Variants in ATXN3 observed in about 807,000 individuals in gnomAD.
The protein encoded by ATXN3 is ataxin 3.
ATXN3 carries 28 observed loss-of-function variants against 58.2 expected under a neutral mutation model. That is an observed-to-expected ratio of 0.48 (90% CI 0.36 to 0.66). The LOEUF is 0.66. Ranked by LOEUF, ATXN3 falls within the 30% of genes least tolerant of loss-of-function variation. The pLI is 0.00. For synonymous variants in ATXN3, 113 were observed against 138.5 expected, an observed-to-expected ratio of 0.82 and a Z score of 1.29; for missense variants, 321 against 422.1, an observed-to-expected ratio of 0.76 and a Z score of 2.10.
chr14:92,094,329 C>T (rs2064665420), intron 3 of ATXN3, among the ~76,000 whole-genome samples: 1 of 152,132 alleles, frequency 6.6e-6, no homozygotes, highest in Non-Finnish European at 1.5e-5. Flanking sequence ...GCTTTTCATA[C>T]CAGGTCTCTG....
chr14:92,065,205 T>C lies in ATXN3; in HGVS notation c.992-791A>G, dbSNP rs551936571. On this transcript the variant is annotated intron_variant, in intron 10 of 10. Transcript: ENST00000644486. ...ATTTTTAGTTGAACAAGTGGAATCA[T>C]ACAGTGTAAGACCCTTTGAGGCTTT... Among the ~76,000 whole-genome samples, 3 of 152,352 alleles carry C rather than the reference T, an allele frequency of 2.0e-5. No individual in the cohort carries two copies. In the East Asian group the frequency reaches 5.8e-4, roughly 29 times the overall value.
chr14:92,072,397 G>A (rs999655624), intron 9 of ATXN3, among the ~76,000 whole-genome samples: 18 of 152,092 alleles, frequency 1.2e-4, no homozygotes, highest in African/African-American at 2.9e-4. Context: ...TCCTAAATCC[G>A]AGAATCAGAA....
chr14:92,101,302 G>T (rs947107207), intron 1 of ATXN3, among the ~76,000 whole-genome samples: 4 of 152,058 alleles, frequency 2.6e-5, no homozygotes, highest in Non-Finnish European at 4.4e-5. Context: ...CTGTATTCTG[G>T]CCCAGGTGAC....
chr14:92,095,099 T>TAAAAA (rs10672184), intron 3 of ATXN3, among the ~76,000 whole-genome samples: 3 of 144,958 alleles, frequency 2.1e-5, no homozygotes, highest in African/African-American at 7.7e-5. Context: ...AGCTATACAT[T>TAAAAA]AAAAAAAAAA....
At position 92,093,471 on chromosome 14, in the gene ATXN3, C is replaced by T. The variant is rs376007653; in HGVS notation, c.321-153G>A. 1.9e-3 allele frequency: 1,206 copies of T among 624,056 alleles called. 16 individuals carry two copies. The South Asian group carries it at 0.02, about 10-fold the overall frequency. The allele number at this position is 624,056 out of a possible 1,614,324, so 38.7% of individuals were successfully genotyped here. A position where few individuals can be genotyped will look rare whatever the true frequency, so the allele number is the denominator to read the frequency against. On this transcript the variant is annotated intron_variant, in intron 4 of 10. Transcript: ENST00000644486. ...TTAAAAGATCACACAACCATATGAA[C>T]GTCTCTGCAGCAGCTTAGTGATGCT...
At chr14:92,082,557 G>A in intron 7 of ATXN3, 91 bp from the exon 8 acceptor site, 1 of 1,172,970 alleles carries the variant, frequency 8.5e-7, no homozygotes, top group Non-Finnish European at 1.2e-6. Context: ...CTTTAAGTAA[G>A]TCAAAACTTA....
upstream of ATXN3, among the ~76,000 whole-genome samples, chr14:92,051,178 A>T (rs905680804): frequency 3.3e-4 from 50 of 152,218 alleles, no homozygotes; most frequent in African/African-American, 1.2e-3. Flanking sequence ...TAAAGTAAGT[A>T]ATCAGTGTTT....
Position 92,096,135 on chromosome 14 carries a change from C to T in ATXN3, c.192G>A (p.Gln64=), listed in dbSNP as rs373205243. The T allele has an allele frequency of 3.5e-6, 4 of 1,150,986 alleles. No homozygotes were observed. In the African/African-American group the frequency reaches 7.3e-5, roughly 21 times the overall value. 71.3% of individuals were successfully genotyped at this position (1,150,986 alleles called of 1,614,324 possible). Residue 64 remains glutamine, a splice_region_variant and synonymous_variant, in exon 3 of 11, where the codon CAG becomes CAA. Transcript: ENST00000644486. ...TSEDYRTFLQ[Q]PSGNMDDSGF... The stretch of plus-strand genomic sequence containing the variant: ...CACTGTCATCCATATTTCCAGAAGG[C>T]TGCTGTTAATTTTGACAGGTAGTTG...
At chr14:92,079,725 T>G (rs1377304395) in intron 9 of ATXN3, among the ~76,000 whole-genome samples, 1 of 152,200 alleles carries the variant, frequency 6.6e-6, no homozygotes, top group African/African-American at 2.4e-5. Context: ...TTGTAATCTT[T>G]AACATGAAGT....
chr14:92,096,950 C>A, intron 1 of ATXN3, 112 bp from the exon 2 acceptor site: 1 of 940,682 alleles, frequency 1.1e-6, no homozygotes, highest in Non-Finnish European at 1.6e-6. Context: ...CTCTTTCACC[C>A]AGGCCGGAGT....
chr14:92,051,944 C>T (rs2057450233), upstream of ATXN3, among the ~76,000 whole-genome samples: 1 of 150,796 alleles, frequency 6.6e-6, no homozygotes. Flanking sequence ...TCAGGCTGGT[C>T]TCGAACTCCT....
chr14:92,099,559 T>C (rs935420185), intron 1 of ATXN3, among the ~76,000 whole-genome samples: 3 of 152,340 alleles, frequency 2.0e-5, no homozygotes, highest in African/African-American at 2.4e-5. Context: ...ACAGATGTTC[T>C]ACTTATATCC....
intron 6 of ATXN3, among the ~76,000 whole-genome samples, chr14:92,088,305 C>T (rs1034524364): frequency 2.6e-5 from 4 of 152,198 alleles, no homozygotes; most frequent in South Asian, 2.1e-4. Context: ...CTCCTGACAT[C>T]GTGATCCGCC....
intron 1 of ATXN3, among the ~76,000 whole-genome samples, chr14:92,097,717 C>T (rs543255653): frequency 7.9e-5 from 12 of 151,490 alleles, no homozygotes; most frequent in Middle Eastern, 6.8e-3. Context: ...AGTAGCGATA[C>T]GGTTTCACAA....
chr14:92,102,040 C>A (rs920507325), intron 1 of ATXN3, among the ~76,000 whole-genome samples: 1 of 151,026 alleles, frequency 6.6e-6, no homozygotes, highest in Non-Finnish European at 1.5e-5. Context: ...ATAGTCCCAG[C>A]TACTCGGGAG....
intron 9 of ATXN3, among the ~76,000 whole-genome samples, chr14:92,078,357 A>ATTATTTAT (rs71301947): frequency 0.28 from 41,552 of 150,038 alleles, 6,071 homozygotes; most frequent in East Asian, 0.44. Context: ...GTTATTTTTT[A>ATTATTTAT]TTATTTATTT....
chr14:92,104,253 G>A (rs886631329), intron 1 of ATXN3, among the ~76,000 whole-genome samples: 10 of 152,114 alleles, frequency 6.6e-5, no homozygotes, highest in African/African-American at 2.2e-4. Context: ...CAATTCTCCT[G>A]CCTCAGCCTC....
At chr14:92,065,543 G>A (rs1398007938) in intron 10 of ATXN3, among the ~76,000 whole-genome samples, 4 of 142,228 alleles carry the variant, frequency 2.8e-5, no homozygotes, top group African/African-American at 1.1e-4. Context: ...AGACCAGCCT[G>A]GGCAATTGCG....
At chr14:92,106,379 G>A in intron 1 of ATXN3, 150 bp downstream of exon 1, 2 of 977,012 alleles carry the variant, frequency 2.0e-6, no homozygotes, top group Non-Finnish European at 3.1e-6. Context: ...CTCGAGCCGA[G>A]GAGGCGGGAG....
Sources: allele counts gnomAD v4.1 joint callset (sites outside exome capture counted in the v4.1 genomes callset), GRCh38; gene constraint gnomAD v4.1.1; transcripts MANE v1.5; gene names NCBI Gene and HGNC (gene_info 2026-07-23, HGNC 2026-07-21).